KCNQ3: variants seen among roughly 807,000 people sequenced by gnomAD.
KCNQ3 encodes the protein potassium voltage-gated channel subfamily Q member 3.
Under a neutral mutation model 92.5 loss-of-function variants are expected in KCNQ3, and 30 were observed. That is an observed-to-expected ratio of 0.32 (90% CI 0.24 to 0.44). The LOEUF (loss-of-function observed/expected upper bound fraction) is 0.44. Among genes scored for constraint, KCNQ3 ranks in the 20% least tolerant of loss-of-function variants. The probability of loss-of-function intolerance (pLI) is 1.00; values close to 1 mark genes in which losing one functional copy is unlikely to be tolerated. For missense variants in KCNQ3, 913 were observed against 1,140.3 expected, an observed-to-expected ratio of 0.80 and a Z score of 2.87; for synonymous variants, 450 against 468.8, an observed-to-expected ratio of 0.96 and a Z score of 0.52.
At chr8:132,424,118 C>T (rs1336341589) in intron 1 of KCNQ3, among the ~76,000 whole-genome samples, 1 of 152,028 alleles carries the variant, frequency 6.6e-6, no homozygotes, top group African/African-American at 2.4e-5. Flanking sequence ...AATGGCAGCC[C>T]ACACCCCTCC....
intron 1 of KCNQ3, among the ~76,000 whole-genome samples, chr8:132,392,382 C>T (rs565133693): frequency 1.6e-4 from 24 of 152,036 alleles, no homozygotes; most frequent in African/African-American, 2.9e-4. Context: ...TACTATCATG[C>T]GCTCTCCTCT....
At chr8:132,199,779 AG>A (rs1231303817) in intron 1 of KCNQ3, among the ~76,000 whole-genome samples, 6 of 152,090 alleles carry the variant, frequency 3.9e-5, no homozygotes, top group African/African-American at 1.4e-4. Context: ...GTGTGGTGGC[AG>A]GCATCTGTAA....
chr8:132,181,505 G>T (rs1329706494), intron 3 of KCNQ3, among the ~76,000 whole-genome samples: 1 of 152,160 alleles, frequency 6.6e-6, no homozygotes, highest in Non-Finnish European at 1.5e-5. Flanking sequence ...TACAAGTGAA[G>T]TATAGTCTTT....
In KCNQ3 at chr8:132,178,163, A is replaced by G. The variant is rs145818461; in HGVS notation, c.777+1994T>C. ...GCAATTTTTAGCACCAGTGTTGACCAGAACTGTGAATCAACTCAGCTCCAT... is the reference window on the plus strand; with the variant it reads ...GCAATTTTTAGCACCAGTGTTGACCGGAACTGTGAATCAACTCAGCTCCAT... On this transcript the variant is annotated intron_variant, in intron 4 of 14. Coordinates refer to ENST00000388996, the MANE Select transcript of KCNQ3 (RefSeq NM_004519.4). Among the ~76,000 whole-genome samples, 911 of 152,382 alleles carry G rather than the reference A, an allele frequency of 6.0e-3. 20 individuals carry two copies. Among genetic ancestry groups the G allele is most frequent in the Admixed American group, 0.045 (692 of 15,312 alleles).
At chr8:132,238,694 A>G (rs1434910557) in intron 1 of KCNQ3, among the ~76,000 whole-genome samples, 2 of 152,144 alleles carry the variant, frequency 1.3e-5, no homozygotes, top group African/African-American at 2.4e-5. Context: ...ATTATTGCCA[A>G]TAACTTCCCA....
In KCNQ3 at chr8:132,361,167, C is replaced by T. The variant is rs557497256; in HGVS notation, c.386+118980G>A. Among the ~76,000 whole-genome samples the T allele has an allele frequency of 2.4e-4, 36 of 152,310 alleles. 1 individual carries two copies. The South Asian group carries it at 2.5e-3, about 11-fold the overall frequency. On this transcript the variant is annotated intron_variant, in intron 1 of 14. Coordinates refer to ENST00000388996, the MANE Select transcript of KCNQ3 (RefSeq NM_004519.4). The stretch of plus-strand genomic sequence containing the variant: ...AGGCAACAGTGAACAAACTGGTATG[C>T]GAGACTCCAAAGTCCAGACCCCTGA...
intron 1 of KCNQ3, among the ~76,000 whole-genome samples, chr8:132,472,540 T>A (rs1462834098): frequency 6.6e-6 from 1 of 152,168 alleles, no homozygotes; most frequent in East Asian, 1.9e-4. Context: ...CTTACCCATA[T>A]GTGGGAGCTA....
At chr8:132,472,578 T>A (rs1822320412) in intron 1 of KCNQ3, among the ~76,000 whole-genome samples, 1 of 152,106 alleles carries the variant, frequency 6.6e-6, no homozygotes, top group African/African-American at 2.4e-5. Flanking sequence ...GAGTAGAGAA[T>A]AAAATGATAG....
At chr8:132,211,795 A>AC (rs1813865645) in intron 1 of KCNQ3, among the ~76,000 whole-genome samples, 1 of 151,926 alleles carries the variant, frequency 6.6e-6, no homozygotes, top group African/African-American at 2.4e-5. Context: ...CACTAAAAAT[A>AC]CAAAAAAATT....
chr8:132,258,918 T>C (rs1815684560), intron 1 of KCNQ3, among the ~76,000 whole-genome samples: 1 of 152,008 alleles, frequency 6.6e-6, no homozygotes, highest in Non-Finnish European at 1.5e-5. Flanking sequence ...AATGGACAAG[T>C]TTCTAGGAAG....
At chr8:132,219,776 T>G (rs1814159575) in intron 1 of KCNQ3, among the ~76,000 whole-genome samples, 1 of 152,136 alleles carries the variant, frequency 6.6e-6, no homozygotes, top group African/African-American at 2.4e-5. Context: ...GCTTATTTTG[T>G]TTGTTTGTTT....
rs1362526326 is a variant in KCNQ3, at chr8:132,127,890, G to A, written c.*1372C>T. On this transcript the variant is annotated 3_prime_UTR_variant, in exon 15 of 15. Transcript: ENST00000388996. ...TTAGCTTGTCTTACGGTTACATATG[G>A]TTTTAGTATTTTCATTTAAAAAATC... The A allele has an allele frequency of 2.0e-5, 3 of 152,110 alleles. No homozygotes were observed. The highest frequency in any genetic ancestry group is 4.4e-5 in the Non-Finnish European group (3 of 68,026). The allele number at this position is 152,110 out of a possible 1,614,324, so 9.4% of individuals were successfully genotyped here.
intron 1 of KCNQ3, among the ~76,000 whole-genome samples, chr8:132,439,004 C>T (rs745767180): frequency 2.7e-5 from 4 of 150,078 alleles, no homozygotes; most frequent in Non-Finnish European, 4.4e-5. Flanking sequence ...AGCAGTTTCT[C>T]TTTGTACCTT....
chr8:132,444,966 T>A (rs1368118414), intron 1 of KCNQ3, among the ~76,000 whole-genome samples: 3 of 152,120 alleles, frequency 2.0e-5, no homozygotes, highest in African/African-American at 7.2e-5. Flanking sequence ...AATTAGTTGG[T>A]GAGAAAGTAT....
intron 13 of KCNQ3, among the ~76,000 whole-genome samples, chr8:132,132,933 C>T (rs759779204): frequency 1.3e-5 from 2 of 152,294 alleles, no homozygotes; most frequent in Non-Finnish European, 2.9e-5. Flanking sequence ...TAGGCACTTT[C>T]TCAATAGTTG....
At chr8:132,339,282 T>C (rs185386371) in intron 1 of KCNQ3, among the ~76,000 whole-genome samples, 23 of 152,322 alleles carry the variant, frequency 1.5e-4, no homozygotes, top group Non-Finnish European at 2.8e-4. Flanking sequence ...CATTTTTAAC[T>C]TCTTCTGTTC....
chr8:132,319,622 G>C (rs1353554025), intron 1 of KCNQ3, among the ~76,000 whole-genome samples: 3 of 152,186 alleles, frequency 2.0e-5, no homozygotes, highest in Admixed American at 2.0e-4. Flanking sequence ...GAATAAAAGA[G>C]TCATCGAGCT....
chr8:132,181,091 G>A (rs1391678485), intron 3 of KCNQ3, among the ~76,000 whole-genome samples: 2 of 152,152 alleles, frequency 1.3e-5, no homozygotes, highest in African/African-American at 2.4e-5. Flanking sequence ...GCCCACCCAT[G>A]ACATGGGATG....
rs1563877566 is a variant in KCNQ3 at position 132,358,937 on chromosome 8, G to A, written c.386+121210C>T. Among the ~76,000 whole-genome samples the A allele has an allele frequency of 2.6e-5, 4 of 152,192 alleles. 1 individual carries two copies. The highest frequency in any genetic ancestry group is 3.9e-4 in the East Asian group (2 of 5,194). ...AAACACAACCAAACCCCATCAGCTC[G>A]AGGATGAGGGAATACAACAAGTCTT... On this transcript the variant is annotated intron_variant, in intron 1 of 14. Coordinates refer to ENST00000388996, the MANE Select transcript of KCNQ3 (RefSeq NM_004519.4).
Sources: gnomAD v4.1 joint callset for allele counts (sites outside exome capture counted in the v4.1 genomes callset) on GRCh38, gnomAD v4.1.1 for gene constraint, MANE v1.5 for transcripts, NCBI Gene and HGNC (gene_info 2026-07-23, HGNC 2026-07-21) for gene names.